The following ABCA2 variants were observed in gnomAD, a reference collection of about 807,000 sequenced individuals.
The protein encoded by ABCA2 is ATP binding cassette subfamily A member 2, also known as ATP-binding cassette sub-family A member 2.
A neutral mutation model predicts 262.8 loss-of-function variants in ABCA2; 84 were observed. The observed-to-expected ratio is 0.32, with a 90% CI of 0.27 to 0.38. The LOEUF is 0.38. Ranked by LOEUF, ABCA2 falls within the 10% of genes least tolerant of loss-of-function variation. The pLI is 1.00. For synonymous variants in ABCA2, 1,696 were observed against 1,502.9 expected, an observed-to-expected ratio of 1.13 and a Z score of -2.97; for missense variants, 2,662 against 3,405.9, an observed-to-expected ratio of 0.78 and a Z score of 5.44.
intron 48 of ABCA2, chr9:137,008,172 G>C: frequency 1.2e-6 from 1 of 808,726 alleles, no homozygotes; most frequent in Non-Finnish European, 2.0e-6. Context: ...CCTGTTCCCC[G>C]GCTCTGGTCC....
At position 137,015,762 on chromosome 9, in the gene ABCA2, G is replaced by A. The variant is rs763688234; in HGVS notation, c.3427C>T (p.Arg1143Cys). 1.6e-5 allele frequency: 26 copies of A among 1,612,246 alleles called. No homozygotes were observed. The highest frequency in any genetic ancestry group is 1.6e-4 in the Middle Eastern group (1 of 6,084). Reference sequence around the variant, plus strand: ...GTGGGCTCGTCCAGGATGATGGCGCGAGAGCCGCCCACGAAGGCGATGGCC... The same window carrying A: ...GTGGGCTCGTCCAGGATGATGGCGCAAGAGCCGCCCACGAAGGCGATGGCC... ...SVAIAFVGGS[R>C]AIILDEPTAG... The change falls in exon 23 of 49, where the codon CGC becomes TGC. Residue 1143 changes from arginine (R) to cysteine (C), a missense_variant. This residue lies in a region of ABCA2 where 180 missense variants were observed against 307.3 expected (regional missense o/e 0.59). Coordinates refer to ENST00000341511, the MANE Select transcript of ABCA2 (RefSeq NM_001606.5).
chr9:137,023,603 C>T (rs1020851234), intron 3 of ABCA2: 5 of 728,148 alleles, frequency 6.9e-6, no homozygotes, highest in African/African-American at 1.7e-5. Flanking sequence ...AGAGAGATGC[C>T]GCCTCAGCTT....
chr9:137,024,709 TGAGAGGCTTG>T (rs1288247081), intron 1 of ABCA2, among the ~76,000 whole-genome samples: 1 of 151,910 alleles, frequency 6.6e-6, no homozygotes, highest in Non-Finnish European at 1.5e-5. Context: ...GAGGCCTGGT[TGAGAGGCTTG>T]GCCTGCGCCC....
In ABCA2 at chr9:137,009,749, C is replaced by T. The variant is rs1301609222; in HGVS notation, c.6630+20G>A. 7 of 1,608,728 alleles carry T rather than the reference C, an allele frequency of 4.4e-6. No homozygotes were observed. The highest frequency in any genetic ancestry group is 1.7e-5 in the Admixed American group (1 of 59,872). ...GAAGTCAAAGGCCAGGCAGCCACCC[C>T]CCACCCACCCAGGACTTACCAGGAA... On this transcript the variant is annotated intron_variant, in intron 43 of 48. Coordinates refer to ENST00000341511, the MANE Select transcript of ABCA2 (RefSeq NM_001606.5).
At chr9:137,015,633 G>T (rs371511402) in intron 23 of ABCA2, 37 bp from the exon 24 acceptor site, 2 of 1,611,204 alleles carry the variant, frequency 1.2e-6, no homozygotes, top group Non-Finnish European at 1.7e-6. Context: ...GGGGGCAGGG[G>T]AGGCGCCGCC....
intron 10 of ABCA2, 159 bp downstream of exon 10, chr9:137,020,177 C>G: frequency 1.1e-6 from 1 of 903,388 alleles, no homozygotes; most frequent in South Asian, 1.6e-5. Context: ...AAAAGCGACC[C>G]CCTGGTCCCC....
At chr9:137,016,796 C>T (rs769160095) in intron 19 of ABCA2, 58 bp from the exon 20 acceptor site, 24 of 1,536,320 alleles carry the variant, frequency 1.6e-5, no homozygotes, top group East Asian at 9.1e-5. Flanking sequence ...CCATCCACCA[C>T]GTGGGCCACG....
intron 32 of ABCA2, 43 bp from the exon 33 acceptor site, chr9:137,012,419 C>T: frequency 6.2e-7 from 1 of 1,608,928 alleles, no homozygotes; most frequent in Non-Finnish European, 8.5e-7. Flanking sequence ...GGACCTCAGA[C>T]CTGGGTCCCT....
At position 137,017,275 on chromosome 9, in the gene ABCA2, C is replaced by G; in HGVS notation, c.2474G>C (p.Ser825Thr). The change falls in exon 18 of 49, where the codon AGC (serine) becomes ACC (threonine). Residue 825 changes from serine (S) to threonine (T), a missense_variant. Physicochemically the swap from Ser to Thr is moderately conservative, Grantham distance 58. Transcript: ENST00000341511. Reference protein sequence around the residue: ...SACGGIIYFLSYVPYMYVAIR... With the variant: ...SACGGIIYFLTYVPYMYVAIR... ...CGCCACGTACATGTAGGGCACGTAG[C>G]TCAGGAAGTAGATGATGCCACCGCA... is the stretch of plus-strand genomic sequence containing the variant. 1.2e-6 allele frequency: 2 copies of G among 1,612,696 alleles called. No homozygotes were observed. The highest frequency in any genetic ancestry group is 1.7e-6 in the Non-Finnish European group (2 of 1,179,914).
chr9:137,025,184 G>T (rs950098921), intron 1 of ABCA2, among the ~76,000 whole-genome samples: 6 of 152,236 alleles, frequency 3.9e-5, no homozygotes, highest in Non-Finnish European at 7.3e-5. Context: ...TGGGCACCAA[G>T]GTGAGCCCTA....
At chr9:137,017,950 A>C in intron 15 of ABCA2, 23 bp downstream of exon 15, 1 of 1,612,256 alleles carries the variant, frequency 6.2e-7, no homozygotes, top group African/African-American at 1.3e-5. Context: ...CCCCAGCCCC[A>C]GCCCCGGGCG....
At chr9:137,028,363 C>A, upstream of ABCA2, 1 of 750,700 alleles carries the variant, frequency 1.3e-6, no homozygotes, top group South Asian at 5.8e-5. This position sits in a 1 kb window ranked among gnomAD's most constrained non-coding sequence, Gnocchi z 6.9. Flanking sequence ...CGTCCGCGCC[C>A]GCCAGGAGGC....
chr9:137,013,611 G>A, intron 28 of ABCA2, 48 bp from the exon 29 acceptor site: 1 of 1,545,780 alleles, frequency 6.5e-7, no homozygotes, highest in Non-Finnish European at 8.8e-7. Flanking sequence ...CCTCTGGCCA[G>A]CGGCCCCCAA....
chr9:137,008,701 T>C (rs751231401), intron 47 of ABCA2, 30 bp downstream of exon 47: 3 of 1,565,104 alleles, frequency 1.9e-6, no homozygotes, highest in Non-Finnish European at 2.6e-6. Context: ...GAGGGGCAGG[T>C]GTGGTGCGCA....
chr9:137,028,268 G>A, upstream of ABCA2: 1 of 977,704 alleles, frequency 1.0e-6, no homozygotes, highest in Non-Finnish European at 1.2e-6. This position sits in a 1 kb window ranked among gnomAD's most constrained non-coding sequence, Gnocchi z 6.9. Context: ...TCCGGGACCC[G>A]ATCCGCGCTG....
In ABCA2 at chr9:137,019,441, T is replaced by C. The variant is rs1315293178; in HGVS notation, c.1426-135A>G. The C allele has an allele frequency of 3.5e-5, 34 of 961,518 alleles. No individual in the cohort carries two copies. The highest frequency in any genetic ancestry group is 4.5e-5 in the Non-Finnish European group (30 of 673,830). The allele number at this position is 961,518 out of a possible 1,614,324, so 59.6% of individuals were successfully genotyped here. On this transcript the variant is annotated intron_variant, in intron 10 of 48. Transcript: ENST00000341511. The surrounding 1 kb of genome is among the most constrained non-coding windows in gnomAD (Gnocchi z 4.4). The stretch of plus-strand genomic sequence containing the variant: ...CTCCCCACCTTTTTTTTTTTTTTTT[T>C]CCTGAGACAGGGTCTCAGTCACCCA...
chr9:137,017,665 C>T lies in ABCA2; in HGVS notation c.2239G>A (p.Ala747Thr). The T allele has an allele frequency of 3.1e-6, 5 of 1,612,036 alleles. No homozygotes were observed. Among genetic ancestry groups the T allele is most frequent in the South Asian group, 2.2e-5 (2 of 91,084 alleles). The change falls in exon 17 of 49, where the codon GCG becomes ACG. Residue 747 changes from alanine (A) to threonine (T), a missense_variant. Around this residue, in one of 12 missense-constraint regions of ABCA2, gnomAD observed 188 missense variants for 343.4 expected, o/e 0.55. Coordinates refer to ENST00000341511, the MANE Select transcript of ABCA2 (RefSeq NM_001606.5). The part of the protein sequence containing the change: ...EVMKTMGLNN[A>T]VHWVAWFITG... ...ATGAACCAGGCCACCCAGTGCACCGCGTTGTTCAGGCCCATGGTCTTCATC... is the reference window on the plus strand; with the variant it reads ...ATGAACCAGGCCACCCAGTGCACCGTGTTGTTCAGGCCCATGGTCTTCATC...
rs1831508394 is a variant in ABCA2, at chr9:137,022,541, G to A, written c.440-63C>T. 7 of 1,582,680 alleles carry A rather than the reference G, an allele frequency of 4.4e-6. No homozygotes were observed. The East Asian group carries it at 9.0e-5, about 20-fold the overall frequency. On this transcript the variant is annotated intron_variant, in intron 5 of 48. Coordinates refer to ENST00000341511, the MANE Select transcript of ABCA2 (RefSeq NM_001606.5). Reference sequence around the variant, plus strand: ...ACCTTGGCAAGGTGCCCCCACATGCGCTCGGAGCCGAGCCCAACACCACAG... The same window carrying A: ...ACCTTGGCAAGGTGCCCCCACATGCACTCGGAGCCGAGCCCAACACCACAG...
intron 1 of ABCA2, among the ~76,000 whole-genome samples, chr9:137,026,097 G>A (rs891777437): frequency 6.6e-6 from 1 of 152,374 alleles, no homozygotes; most frequent in East Asian, 1.9e-4. Context: ...TGCCATCCCA[G>A]TGACTTCATG....
Sources: gnomAD v4.1 joint callset for allele counts (sites outside exome capture counted in the v4.1 genomes callset) on GRCh38, gnomAD v4.1.1 for gene constraint, gnomAD v4.1.1 regional missense constraint, Gnocchi (gnomAD v3.1) non-coding constraint, MANE v1.5 for transcripts, NCBI Gene and HGNC (gene_info 2026-07-23, HGNC 2026-07-21) for gene names.